Variants in PDE4D observed in about 807,000 individuals in gnomAD.
PDE4D encodes 3',5'-cyclic-AMP phosphodiesterase 4D.
PDE4D carries 24 observed loss-of-function variants against 87.4 expected under a neutral mutation model. The observed-to-expected ratio is 0.27, with a 90% CI of 0.20 to 0.39. PDE4D has a LOEUF of 0.39. PDE4D is among the 10% of genes least tolerant of loss of function. The probability of loss-of-function intolerance (pLI) is 1.00; values close to 1 mark genes in which losing one functional copy is unlikely to be tolerated. For synonymous variants in PDE4D, 384 were observed against 383.2 expected, an observed-to-expected ratio of 1.00 and a Z score of -0.02; for missense variants, 714 against 1,041.0, an observed-to-expected ratio of 0.69 and a Z score of 4.32.
At chr5:60,214,770 A>C (rs1743656101) in intron 1 of PDE4D, among the ~76,000 whole-genome samples, 1 of 152,204 alleles carries the variant, frequency 6.6e-6, no homozygotes, top group Non-Finnish European at 1.5e-5. Flanking sequence ...ACCATACTCC[A>C]AACAGGAGTT....
At chr5:59,908,289 A>G (rs1368228121) in intron 3 of PDE4D, among the ~76,000 whole-genome samples, 2 of 152,182 alleles carry the variant, frequency 1.3e-5, no homozygotes, top group African/African-American at 4.8e-5. Context: ...TCACATGTCT[A>G]AATGAAGATA....
chr5:59,205,777 G>A (rs958764304), intron 2 of PDE4D, among the ~76,000 whole-genome samples: 3 of 151,022 alleles, frequency 2.0e-5, no homozygotes, highest in Non-Finnish European at 4.4e-5. Flanking sequence ...AAGAAAAAAT[G>A]AATTTTGAAA....
chr5:60,422,787 A>G (rs1007637462), intron 1 of PDE4D, among the ~76,000 whole-genome samples: 4 of 152,240 alleles, frequency 2.6e-5, no homozygotes, highest in Non-Finnish European at 4.4e-5. Flanking sequence ...AGTGTGCTGT[A>G]TTCAGGAGAC....
At chr5:59,428,831 T>A in intron 1 of PDE4D, among the ~76,000 whole-genome samples, 1 of 152,288 alleles carries the variant, frequency 6.6e-6, no homozygotes, top group Middle Eastern at 3.4e-3. Context: ...ACTTTTTATA[T>A]AAAATTTATT....
Position 59,041,581 on chromosome 5 carries a change from T to C in PDE4D, c.809-2610A>G, listed in dbSNP as rs150077464. ...GGATTAAAGATGCATAACCATTGTG[T>C]CTGGGATTTGTTCAGTGCCATCTTT... On this transcript the variant is annotated intron_variant, in intron 5 of 14. Coordinates refer to ENST00000340635, the MANE Select transcript of PDE4D (RefSeq NM_001104631.2). Among the ~76,000 whole-genome samples, 11 of 152,340 alleles carry C rather than the reference T, an allele frequency of 7.2e-5. No homozygotes were observed. The East Asian group carries it at 1.3e-3, about 19-fold the overall frequency.
intron 1 of PDE4D, among the ~76,000 whole-genome samples, chr5:59,611,996 C>T (rs938156729): frequency 6.6e-6 from 1 of 152,170 alleles, no homozygotes; most frequent in Admixed American, 6.6e-5. Flanking sequence ...TTTATCAATG[C>T]CCCTGAGGTC....
chr5:59,782,545 C>T (rs1165480565), intron 1 of PDE4D, among the ~76,000 whole-genome samples: 1 of 152,146 alleles, frequency 6.6e-6, no homozygotes, highest in Non-Finnish European at 1.5e-5. Context: ...GCATGTTTCA[C>T]TATCTCACAG....
intron 1 of PDE4D, among the ~76,000 whole-genome samples, chr5:60,454,766 C>T (rs1268823681): frequency 6.6e-6 from 1 of 152,130 alleles, no homozygotes; most frequent in Non-Finnish European, 1.5e-5. Flanking sequence ...ACCTATGTAA[C>T]AAACCTGCAC....
chr5:60,410,884 G>A (rs141802404), intron 1 of PDE4D, among the ~76,000 whole-genome samples: 1,609 of 152,298 alleles, frequency 0.011, 21 homozygotes, highest in Non-Finnish European at 0.017. Context: ...CACTTGCCAT[G>A]GGAGAGACAC....
chr5:59,311,531 A>G (rs1282877807), intron 1 of PDE4D, among the ~76,000 whole-genome samples: 1 of 150,446 alleles, frequency 6.6e-6, no homozygotes, highest in African/African-American at 2.4e-5. Flanking sequence ...AAAAAACAGA[A>G]AAAGAAAAAA....
At chr5:60,335,369 A>T (rs1160111022) in intron 1 of PDE4D, among the ~76,000 whole-genome samples, 2 of 152,220 alleles carry the variant, frequency 1.3e-5, no homozygotes, top group Non-Finnish European at 2.9e-5. Flanking sequence ...ATTAAAGTTG[A>T]TTAGACAATT....
chr5:60,169,072 A>G (rs1313697148), intron 2 of PDE4D, among the ~76,000 whole-genome samples: 3 of 152,136 alleles, frequency 2.0e-5, no homozygotes, highest in Non-Finnish European at 4.4e-5. Flanking sequence ...TCTATAAGAT[A>G]ACCTACCAGA....
rs113914356 is a variant in PDE4D, at chr5:60,109,819, C to T, written c.42+75738G>A. Among the ~76,000 whole-genome samples the T allele has an allele frequency of 7.7e-3, 1,155 of 150,114 alleles. 13 individuals carry two copies. The highest frequency in any genetic ancestry group is 0.027 in the African/African-American group (1,101 of 40,628). On this transcript the variant is annotated intron_variant, in intron 2 of 16. Transcript: ENST00000502484. Reference sequence around the variant, plus strand: ...AGGTGGGAACTGAACAATGAGAACACATGGACACAGGAAGGGGAACATCAC... The same window carrying T: ...AGGTGGGAACTGAACAATGAGAACATATGGACACAGGAAGGGGAACATCAC...
At chr5:59,572,106 T>C (rs959060703) in intron 1 of PDE4D, among the ~76,000 whole-genome samples, 11 of 152,204 alleles carry the variant, frequency 7.2e-5, no homozygotes, top group Admixed American at 1.3e-4. Flanking sequence ...TTCAGAATTT[T>C]GACTTCCACT....
intron 1 of PDE4D, among the ~76,000 whole-genome samples, chr5:59,377,706 A>T (rs1479457251): frequency 6.6e-6 from 1 of 152,220 alleles, no homozygotes; most frequent in African/African-American, 2.4e-5. Context: ...TGCAGCCAAC[A>T]ATCATATGAA....
intron 1 of PDE4D, among the ~76,000 whole-genome samples, chr5:59,270,314 G>C (rs1434608268): frequency 1.3e-5 from 2 of 152,090 alleles, no homozygotes. Context: ...CCATTTGTTT[G>C]CGTATTTACA....
At chr5:59,379,007 G>A (rs1271180677) in intron 1 of PDE4D, among the ~76,000 whole-genome samples, 2 of 151,842 alleles carry the variant, frequency 1.3e-5, no homozygotes, top group African/African-American at 4.8e-5. Flanking sequence ...TGTGTGTGAT[G>A]TGTCCTGCTT....
chr5:60,466,830 G>T (rs538850010), intron 1 of PDE4D, among the ~76,000 whole-genome samples: 7 of 151,856 alleles, frequency 4.6e-5, no homozygotes, highest in African/African-American at 1.4e-4. Flanking sequence ...AGTTGATTTT[G>T]CCCTTACTTT....
intron 1 of PDE4D, among the ~76,000 whole-genome samples, chr5:59,491,906 G>C (rs1215520879): frequency 6.6e-6 from 1 of 152,136 alleles, no homozygotes; most frequent in Non-Finnish European, 1.5e-5. Flanking sequence ...ATTTACTAAA[G>C]TTAGGATGTT....
Sources: gnomAD v4.1 joint callset for allele counts (sites outside exome capture counted in the v4.1 genomes callset) on GRCh38, gnomAD v4.1.1 for gene constraint, MANE v1.5 for transcripts, NCBI Gene and HGNC (gene_info 2026-07-23, HGNC 2026-07-21) for gene names.